CTNNA3: variants seen among roughly 807,000 people sequenced by gnomAD.
CTNNA3 encodes catenin alpha-3.
Under a neutral mutation model 95.7 loss-of-function variants are expected in CTNNA3, and 76 were observed. The ratio of observed to expected loss-of-function variants is 0.79; its 90% CI spans 0.66 to 0.96. The LOEUF is 0.96. CTNNA3 is among the 40% of genes least tolerant of loss of function. The pLI is 0.00. For synonymous variants in CTNNA3, 431 were observed against 374.4 expected (o/e 1.15, Z -1.74); for missense variants, 1,191 against 1,089.8 (o/e 1.09, Z -1.31).
intron 16 of CTNNA3, among the ~76,000 whole-genome samples, chr10:65,975,011 A>G (rs2078184420): frequency 6.6e-6 from 1 of 152,126 alleles, no homozygotes; most frequent in African/African-American, 2.4e-5. Context: ...GTAATTAATA[A>G]CTTAAGCTGG....
At chr10:67,475,558 A>G (rs1206785988) in intron 5 of CTNNA3, among the ~76,000 whole-genome samples, 1 of 152,244 alleles carries the variant, frequency 6.6e-6, no homozygotes, top group Non-Finnish European at 1.5e-5. Context: ...ATAGTACTTC[A>G]GTGAATATAA....
At chr10:67,530,276 CAGA>C (rs1840286948) in intron 4 of CTNNA3, among the ~76,000 whole-genome samples, 2 of 152,132 alleles carry the variant, frequency 1.3e-5, no homozygotes, top group Admixed American at 1.3e-4. Flanking sequence ...TTGGAGGGCT[CAGA>C]AGAAGACATG....
chr10:66,715,397 G>T (rs1473586527), intron 9 of CTNNA3, among the ~76,000 whole-genome samples: 1 of 151,980 alleles, frequency 6.6e-6, no homozygotes, highest in Non-Finnish European at 1.5e-5. Context: ...CCCCCTCCTA[G>T]ATGTTGTCTC....
chr10:66,935,510 T>TA (rs976512951), intron 7 of CTNNA3, among the ~76,000 whole-genome samples: 2 of 152,020 alleles, frequency 1.3e-5, no homozygotes, highest in African/African-American at 4.8e-5. Context: ...AATAGAGGGT[T>TA]AGGTAACATC....
intron 7 of CTNNA3, among the ~76,000 whole-genome samples, chr10:66,944,596 C>T (rs1362306143): frequency 6.6e-6 from 1 of 152,104 alleles, no homozygotes; most frequent in Non-Finnish European, 1.5e-5. Context: ...ATTTACTTTG[C>T]CCAGATCCAT....
intron 5 of CTNNA3, among the ~76,000 whole-genome samples, chr10:67,461,594 T>C (rs551800548): frequency 3.3e-5 from 5 of 152,276 alleles, no homozygotes; most frequent in South Asian, 2.1e-4. Flanking sequence ...AGCAAAAAGG[T>C]TGTATAAAAT....
intron 15 of CTNNA3, among the ~76,000 whole-genome samples, chr10:66,036,921 G>C (rs2079576382): frequency 7.5e-6 from 1 of 132,478 alleles, no homozygotes; most frequent in East Asian, 2.2e-4. Context: ...CGCCCAGGCT[G>C]GAGTGCAGTG....
intron 16 of CTNNA3, 125 bp from the exon 17 acceptor site, chr10:65,966,871 C>T: frequency 3.3e-6 from 2 of 605,332 alleles, no homozygotes; most frequent in Non-Finnish European, 5.4e-6. Flanking sequence ...CATACAGGAC[C>T]AAGTAGCTTC....
At chr10:67,301,006 A>G (rs987018124) in intron 5 of CTNNA3, among the ~76,000 whole-genome samples, 2 of 152,226 alleles carry the variant, frequency 1.3e-5, no homozygotes, top group African/African-American at 4.8e-5. Flanking sequence ...ACATGATGTT[A>G]TGGTATGTTT....
At chr10:67,669,633 A>G (rs911868934) in intron 1 of CTNNA3, among the ~76,000 whole-genome samples, 1 of 152,256 alleles carries the variant, frequency 6.6e-6, no homozygotes, top group African/African-American at 2.4e-5. Context: ...ATAAAATTAC[A>G]CATAGAATAT....
intron 13 of CTNNA3, among the ~76,000 whole-genome samples, chr10:66,160,422 T>C (rs909301537): frequency 6.6e-6 from 1 of 152,086 alleles, no homozygotes; most frequent in African/African-American, 2.4e-5. Context: ...ATTTCCATTT[T>C]GATTTTGTTT....
At chr10:67,760,116 T>C (rs985761687) in intron 1 of CTNNA3, among the ~76,000 whole-genome samples, 1 of 152,198 alleles carries the variant, frequency 6.6e-6, no homozygotes. Flanking sequence ...GATATCTTGA[T>C]TGACAGATAA....
chr10:66,211,080 T>C (rs966385714), intron 13 of CTNNA3, among the ~76,000 whole-genome samples: 1 of 152,214 alleles, frequency 6.6e-6, no homozygotes, highest in African/African-American at 2.4e-5. Context: ...GCCTGATTTA[T>C]GACCAATGTA....
intron 17 of CTNNA3, among the ~76,000 whole-genome samples, chr10:65,920,859 A>G (rs2077075738): frequency 6.6e-6 from 1 of 152,168 alleles, no homozygotes; most frequent in Non-Finnish European, 1.5e-5. Context: ...AAAATAACTG[A>G]GCCTGATAGT....
chr10:66,904,761 C>G (rs1436393585), intron 7 of CTNNA3, among the ~76,000 whole-genome samples: 4 of 152,130 alleles, frequency 2.6e-5, no homozygotes, highest in Non-Finnish European at 4.4e-5. Context: ...CCAACACACA[C>G]TTGAAAAGAT....
chr10:66,237,336 T>C (rs2089902673), intron 13 of CTNNA3, among the ~76,000 whole-genome samples: 1 of 152,188 alleles, frequency 6.6e-6, no homozygotes, highest in South Asian at 2.1e-4. Flanking sequence ...GGCTTGCTAC[T>C]TGAAACATCA....
At chr10:66,986,817 A>G (rs890103283) in intron 7 of CTNNA3, among the ~76,000 whole-genome samples, 5 of 152,146 alleles carry the variant, frequency 3.3e-5, no homozygotes, top group African/African-American at 4.8e-5. Context: ...TTCTCCATCA[A>G]TTAATCTATT....
chr10:66,331,449 G>A (rs541691039), intron 12 of CTNNA3, among the ~76,000 whole-genome samples: 1 of 140,336 alleles, frequency 7.1e-6, no homozygotes, highest in East Asian at 2.2e-4. Context: ...CGCCTCCCGG[G>A]TTCACGCCAT....
In CTNNA3 at chr10:66,006,281, G is replaced by A. The variant is rs578001523; in HGVS notation, c.2160-17484C>T. ...GCCCGCCTCGGCCTCCCAAAGTGCTGGGATTACAGGTGTGAGCCACTGCAC... is the reference window on the plus strand; with the variant it reads ...GCCCGCCTCGGCCTCCCAAAGTGCTAGGATTACAGGTGTGAGCCACTGCAC... On this transcript the variant is annotated intron_variant, in intron 15 of 17. Transcript: ENST00000433211. Among the ~76,000 whole-genome samples the A allele has an allele frequency of 3.9e-5, 6 of 152,070 alleles. No homozygotes were observed. In the East Asian group the frequency reaches 1.2e-3, roughly 29 times the overall value.
Sources: gnomAD v4.1 joint callset for allele counts (sites outside exome capture counted in the v4.1 genomes callset) on GRCh38, gnomAD v4.1.1 for gene constraint, MANE v1.5 for transcripts, NCBI Gene and HGNC (gene_info 2026-07-23, HGNC 2026-07-21) for gene names.